The following PABPC1 variants were observed in gnomAD, a reference collection of about 807,000 sequenced individuals.
The protein encoded by PABPC1 is poly(A) binding protein cytoplasmic 1, also known as polyadenylate-binding protein 1.
Under a neutral mutation model 74.0 loss-of-function variants are expected in PABPC1, and 4 were observed. That is an observed-to-expected ratio of 0.05 (90% CI 0.03 to 0.12). The LOEUF is 0.12. Among genes scored for constraint, PABPC1 ranks in the 10% least tolerant of loss-of-function variants. PABPC1 has a pLI of 1.00. For missense variants in PABPC1, 271 were observed against 821.1 expected, an observed-to-expected ratio of 0.33 and a Z score of 8.19; for synonymous variants, 227 against 264.1, an observed-to-expected ratio of 0.86 and a Z score of 1.36.
rs1810712918 is a variant in PABPC1 at position 100,717,881 on chromosome 8, C to A, written c.395G>T (p.Cys132Phe). ...FGNILSCKVV[C>F]DENGSKGYGF... Reference sequence around the variant, plus strand: ...ATAGCCCTTGGAACCATTTTCATCACAAACCACCTAGGGAAAAACATATAC... The same window carrying A: ...ATAGCCCTTGGAACCATTTTCATCAAAAACCACCTAGGGAAAAACATATAC... Residue 132 changes from cysteine (C) to phenylalanine (F), a missense_variant, in exon 3 of 15, where the codon TGT (cysteine) becomes TTT (phenylalanine). Transcript: ENST00000318607. 6.2e-7 allele frequency: 1 copy of A among 1,609,246 alleles called. No homozygotes were observed. The highest frequency in any genetic ancestry group is 8.5e-7 in the Non-Finnish European group (1 of 1,175,720).
At chr8:100,708,891 A>ATAAG (rs770435697) in intron 9 of PABPC1, among the ~76,000 whole-genome samples, 3,741 of 151,548 alleles carry the variant, frequency 0.025, 77 homozygotes, top group East Asian at 0.044. Context: ...AAATAAATAA[A>ATAAG]TAAATAAATA....
At chr8:100,708,523 C>T (rs1028319423) in intron 9 of PABPC1, among the ~76,000 whole-genome samples, 2 of 152,158 alleles carry the variant, frequency 1.3e-5, no homozygotes, top group Non-Finnish European at 2.9e-5. Flanking sequence ...TAAAATACCA[C>T]GACTCTGATT....
At chr8:100,707,665 C>T (rs1405967023) in intron 9 of PABPC1, among the ~76,000 whole-genome samples, 1 of 152,214 alleles carries the variant, frequency 6.6e-6, no homozygotes, top group East Asian at 1.9e-4. Context: ...TGAAGCACAG[C>T]ACCATAGGGA....
rs1009540646 is a variant in PABPC1 at position 100,709,838 on chromosome 8, CTG to C, written c.973-109_973-108del. ...AATCACTGAATCAAATAACTAAACC[CTG>C]TTAATGCTTAATCATCTTGTATTTA... On this transcript the variant is annotated intron_variant, in intron 7 of 14. Coordinates refer to ENST00000318607, the MANE Select transcript of PABPC1 (RefSeq NM_002568.4). The C allele has an allele frequency of 5.4e-5, 64 of 1,191,424 alleles. No individual in the cohort carries two copies. In the African/African-American group the frequency reaches 7.7e-4, roughly 14 times the overall value. 73.8% of individuals were successfully genotyped at this position (1,191,424 alleles called of 1,614,324 possible). A position where few individuals can be genotyped will look rare whatever the true frequency, so the allele number is the denominator to read the frequency against.
intron 12 of PABPC1, 130 bp from the exon 13 acceptor site, chr8:100,705,186 T>G: frequency 1.4e-6 from 1 of 706,202 alleles, no homozygotes. Context: ...TAATCCACAA[T>G]TTCATTATGT....
rs1810480789 is a variant in PABPC1, at chr8:100,709,796, C to A, written c.973-65G>T. ...AATGAGGAGCAAAAAAAGAGCGTTA[C>A]AATTTAGACAATTATAAATCACTGA... On this transcript the variant is annotated intron_variant, in intron 7 of 14. Coordinates refer to ENST00000318607, the MANE Select transcript of PABPC1 (RefSeq NM_002568.4). 7.1e-6 allele frequency: 10 copies of A among 1,408,156 alleles called. No homozygotes were observed. In the South Asian group the frequency reaches 1.4e-4, roughly 20 times the overall value. The allele number at this position is 1,408,156 out of a possible 1,614,324, so 87.2% of individuals were successfully genotyped here.
intron 1 of PABPC1, among the ~76,000 whole-genome samples, chr8:100,718,661 C>T (rs1201978201): frequency 1.3e-5 from 2 of 152,138 alleles, no homozygotes; most frequent in African/African-American, 2.4e-5. Flanking sequence ...AGACATTACG[C>T]AACAGATTTA....
intron 3 of PABPC1, 136 bp downstream of exon 3, chr8:100,717,637 C>T: frequency 5.0e-6 from 3 of 600,138 alleles, no homozygotes; most frequent in Non-Finnish European, 8.8e-6. Context: ...TTTTGTTATT[C>T]ATCTTTAAAA....
chr8:100,718,356 T>C (rs1409013808), intron 1 of PABPC1, 76 bp from the exon 2 acceptor site: 3 of 1,161,288 alleles, frequency 2.6e-6, no homozygotes, highest in African/African-American at 3.1e-5. Flanking sequence ...TAAACTATGG[T>C]GACTGGAGTG....
rs1485185345 is a variant in PABPC1 at position 100,707,022 on chromosome 8, C to T, written c.1337-25G>A. On this transcript the variant is annotated intron_variant, in intron 9 of 14. Coordinates refer to ENST00000318607, the MANE Select transcript of PABPC1 (RefSeq NM_002568.4). ...GCTGCATTTTAAAGATGTGAATATA[C>T]ATTAACTGGGAAAACTTACTGAGTG... 15 of 1,324,092 alleles carry T rather than the reference C, an allele frequency of 1.1e-5. No individual in the cohort carries two copies. In the Admixed American group the frequency reaches 2.3e-4, roughly 20 times the overall value. 82.0% of individuals were successfully genotyped at this position (1,324,092 alleles called of 1,614,324 possible).
intron 1 of PABPC1, among the ~76,000 whole-genome samples, chr8:100,719,444 TC>T (rs777163608): frequency 3.9e-5 from 6 of 151,994 alleles, no homozygotes; most frequent in Non-Finnish European, 8.8e-5. Flanking sequence ...AGTCACCTCT[TC>T]CTATGAAATT....
intron 9 of PABPC1, chr8:100,707,300 A>G: frequency 3.6e-6 from 1 of 275,386 alleles, no homozygotes; most frequent in South Asian, 3.4e-5. Flanking sequence ...TTTAAAAAAA[A>G]AAGACAGCTG....
At chr8:100,717,425 T>C (rs1277443219) in intron 3 of PABPC1, among the ~76,000 whole-genome samples, 2 of 152,260 alleles carry the variant, frequency 1.3e-5, no homozygotes, top group Non-Finnish European at 2.9e-5. Context: ...ATATTAGGTT[T>C]GTCTGAATTC....
At chr8:100,714,718 G>GA (rs1321500859) in intron 4 of PABPC1, among the ~76,000 whole-genome samples, 2 of 149,606 alleles carry the variant, frequency 1.3e-5, no homozygotes, top group Non-Finnish European at 2.9e-5. Context: ...GACAGAGCAA[G>GA]AGTCAAAAAA....
At chr8:100,715,164 T>A (rs574911050) in intron 4 of PABPC1, among the ~76,000 whole-genome samples, 4 of 138,854 alleles carry the variant, frequency 2.9e-5, no homozygotes, top group African/African-American at 1.2e-4. Flanking sequence ...CACACATATA[T>A]ATCTCCAGCC....
intron 4 of PABPC1, among the ~76,000 whole-genome samples, 199 bp downstream of exon 4, chr8:100,715,263 G>A (rs984945825): frequency 6.6e-6 from 1 of 151,856 alleles, no homozygotes; most frequent in Non-Finnish European, 1.5e-5. Context: ...CTTTAACCTG[G>A]ATAGAATTCT....
intron 5 of PABPC1, 72 bp downstream of exon 5, chr8:100,713,015 T>C (rs947364716): frequency 8.2e-6 from 9 of 1,103,266 alleles, no homozygotes; most frequent in South Asian, 5.9e-5. Flanking sequence ...GCTATTAGTA[T>C]GCACATAGAC....
At chr8:100,707,829 G>A (rs1023518065) in intron 9 of PABPC1, among the ~76,000 whole-genome samples, 3 of 152,154 alleles carry the variant, frequency 2.0e-5, no homozygotes, top group South Asian at 2.1e-4. Flanking sequence ...TGACACTTAC[G>A]CTACTGCTAG....
chr8:100,705,757 G>T, intron 11 of PABPC1, 84 bp from the exon 12 acceptor site: 1 of 864,576 alleles, frequency 1.2e-6, no homozygotes, highest in Non-Finnish European at 1.9e-6. Flanking sequence ...ATCTGCTGAA[G>T]TGGTAGACTT....
Sources: allele counts gnomAD v4.1 joint callset (sites outside exome capture counted in the v4.1 genomes callset), GRCh38; gene constraint gnomAD v4.1.1; transcripts MANE v1.5; gene names NCBI Gene and HGNC (gene_info 2026-07-23, HGNC 2026-07-21).